EPHB1: variants seen among roughly 807,000 people sequenced by gnomAD.
The protein encoded by EPHB1 is ephrin type-B receptor 1.
In EPHB1, 30 loss-of-function variants were observed where a neutral mutation model predicts 94.4. The observed-to-expected ratio is 0.32, with a 90% CI of 0.24 to 0.43. The LOEUF (loss-of-function observed/expected upper bound fraction) is 0.43, where lower values mean the gene tolerates loss of function less well. Among genes scored for constraint, EPHB1 ranks in the 20% least tolerant of loss-of-function variants. EPHB1 has a pLI of 1.00. For missense variants in EPHB1, 1,055 were observed against 1,308.3 expected, an observed-to-expected ratio of 0.81 and a Z score of 2.99; for synonymous variants, 522 against 489.1, an observed-to-expected ratio of 1.07 and a Z score of -0.89.
intron 1 of EPHB1, among the ~76,000 whole-genome samples, chr3:134,821,848 T>G (rs2036387249): frequency 6.6e-6 from 1 of 152,244 alleles, no homozygotes; most frequent in East Asian, 1.9e-4. Flanking sequence ...CTTCTCAATC[T>G]CCCTTTTTTC....
At chr3:135,073,621 A>C (rs1389376130) in intron 3 of EPHB1, among the ~76,000 whole-genome samples, 3 of 152,228 alleles carry the variant, frequency 2.0e-5, no homozygotes, top group African/African-American at 4.8e-5. Context: ...AATATCATCA[A>C]ATATGCAGAG....
chr3:135,203,266 G>A (rs1046207563), intron 12 of EPHB1, among the ~76,000 whole-genome samples: 1 of 152,124 alleles, frequency 6.6e-6, no homozygotes, highest in African/African-American at 2.4e-5. Context: ...AGCAAGGGGA[G>A]GGAGAGCATT....
chr3:135,252,090 G>T (rs1186578217), intron 15 of EPHB1, among the ~76,000 whole-genome samples: 1 of 151,760 alleles, frequency 6.6e-6, no homozygotes, highest in Non-Finnish European at 1.5e-5. Context: ...TTAATGGAAT[G>T]GCACATGCAA....
At chr3:135,066,389 C>T (rs1937580752) in intron 3 of EPHB1, among the ~76,000 whole-genome samples, 1 of 152,202 alleles carries the variant, frequency 6.6e-6, no homozygotes, top group Non-Finnish European at 1.5e-5. Flanking sequence ...AGGCTTTGTT[C>T]ATGTTTTCTT....
intron 1 of EPHB1, among the ~76,000 whole-genome samples, chr3:134,849,743 C>T (rs374892027): frequency 6.6e-6 from 1 of 152,222 alleles, no homozygotes; most frequent in African/African-American, 2.4e-5. Context: ...TACCAGCCCT[C>T]GCATGGCTGC....
intron 1 of EPHB1, among the ~76,000 whole-genome samples, chr3:134,856,349 G>A (rs1423792133): frequency 2.0e-5 from 3 of 152,192 alleles, no homozygotes; most frequent in Non-Finnish European, 2.9e-5. Flanking sequence ...CAGTGTGAGT[G>A]GGGGCAGGAG....
intron 1 of EPHB1, among the ~76,000 whole-genome samples, chr3:134,851,473 A>G (rs1021336787): frequency 2.0e-5 from 3 of 150,796 alleles, no homozygotes; most frequent in Non-Finnish European, 4.4e-5. Flanking sequence ...CTTCCCCTGC[A>G]ACTCCCCTTG....
intron 3 of EPHB1, among the ~76,000 whole-genome samples, chr3:134,991,189 C>T (rs1934782860): frequency 6.6e-6 from 1 of 152,138 alleles, no homozygotes; most frequent in Non-Finnish European, 1.5e-5. Flanking sequence ...TGGGTAATTC[C>T]TCCTTGACTC....
chr3:135,248,254 T>G, intron 13 of EPHB1, 62 bp from the exon 14 acceptor site: 1 of 1,452,844 alleles, frequency 6.9e-7, no homozygotes, highest in Non-Finnish European at 9.2e-7. Flanking sequence ...AAGGGGATAA[T>G]TTGTGAGTGA....
At chr3:134,923,476 A>G (rs552194964) in intron 1 of EPHB1, among the ~76,000 whole-genome samples, 33 of 151,950 alleles carry the variant, frequency 2.2e-4, no homozygotes, top group Non-Finnish European at 4.1e-4. Context: ...CATTAGACCC[A>G]CTCAGGCCCT....
chr3:134,998,458 C>T (rs16842464), intron 3 of EPHB1, among the ~76,000 whole-genome samples: 5,373 of 152,268 alleles, frequency 0.035, 311 homozygotes, highest in African/African-American at 0.12. Flanking sequence ...TTCATGCAAT[C>T]TCTGTTTTAG....
chr3:135,205,417 A>G lies in EPHB1; in HGVS notation c.2346+3728A>G, dbSNP rs573124524. On this transcript the variant is annotated intron_variant, in intron 12 of 15. Transcript: ENST00000398015. ...GTTATTCCTTTATACTGTTTATGAT[A>G]CCCTCTGGCTTATAAAGTGGTTAAC... Among the ~76,000 whole-genome samples, 250 of 152,128 alleles carry G rather than the reference A, an allele frequency of 1.6e-3. 3 individuals carry two copies. The highest frequency in any genetic ancestry group is 6.8e-3 in the Middle Eastern group (2 of 294).
At chr3:135,027,647 G>A (rs1379985696) in intron 3 of EPHB1, among the ~76,000 whole-genome samples, 2 of 151,666 alleles carry the variant, frequency 1.3e-5, no homozygotes, top group Admixed American at 6.6e-5. Flanking sequence ...TTGCATCAAT[G>A]TTCATCAAGG....
chr3:135,047,650 T>TATTC (rs1366443769), intron 3 of EPHB1, among the ~76,000 whole-genome samples: 3 of 152,258 alleles, frequency 2.0e-5, no homozygotes, highest in Non-Finnish European at 4.4e-5. Flanking sequence ...CTACTCCGTT[T>TATTC]ATTCATTCAT....
intron 3 of EPHB1, among the ~76,000 whole-genome samples, chr3:135,072,860 G>C (rs1183875034): frequency 1.3e-5 from 2 of 152,192 alleles, no homozygotes; most frequent in East Asian, 1.9e-4. Flanking sequence ...AGCTCCATGA[G>C]AGTGTTGCTC....
intron 3 of EPHB1, among the ~76,000 whole-genome samples, chr3:135,071,350 A>G (rs1937702517): frequency 6.6e-6 from 1 of 152,212 alleles, no homozygotes; most frequent in South Asian, 2.1e-4. Flanking sequence ...AAAGACAGGT[A>G]CAGATTTGGG....
chr3:135,062,076 T>C (rs1425643461), intron 3 of EPHB1, among the ~76,000 whole-genome samples: 1 of 152,224 alleles, frequency 6.6e-6, no homozygotes. Flanking sequence ...TTAGCACAGT[T>C]TCTTTGTCCA....
chr3:135,140,432 C>T (rs146257119), intron 5 of EPHB1, among the ~76,000 whole-genome samples: 2 of 152,320 alleles, frequency 1.3e-5, no homozygotes, highest in African/African-American at 2.4e-5. Context: ...AATCAATAAA[C>T]GTTCATTGAA....
chr3:135,055,524 TA>T (rs1937323888), intron 3 of EPHB1, among the ~76,000 whole-genome samples: 2 of 152,194 alleles, frequency 1.3e-5, no homozygotes, highest in Admixed American at 6.5e-5. Flanking sequence ...GGCCATCAGC[TA>T]AAAAGCAGCA....
Sources: gnomAD v4.1 joint callset for allele counts (sites outside exome capture counted in the v4.1 genomes callset) on GRCh38, gnomAD v4.1.1 for gene constraint, MANE v1.5 for transcripts, NCBI Gene and HGNC (gene_info 2026-07-23, HGNC 2026-07-21) for gene names.